The following PLD5 variants were observed in gnomAD, a reference collection of about 807,000 sequenced individuals.
The protein encoded by PLD5 is phospholipase D family member 5.
PLD5 carries 36 observed loss-of-function variants against 61.1 expected under a neutral mutation model. That is an observed-to-expected ratio of 0.59 (90% CI 0.45 to 0.78). PLD5 has a LOEUF of 0.78. PLD5 is among the 30% of genes least tolerant of loss of function. The pLI is 0.00. For missense variants in PLD5, 515 were observed against 644.4 expected (o/e 0.80, Z 2.17); for synonymous variants, 243 against 242.8 (o/e 1.00, Z -0.01).
Position 242,157,150 on chromosome 1 carries a change from A to G in PLD5, c.736-32485T>C, listed in dbSNP as rs886227168. On this transcript the variant is annotated intron_variant, in intron 5 of 9. Transcript: ENST00000536534. ...TTACTTCCAATTGATCAATTCGGCT[A>G]TTGATACTGTGTATGCTTCACAAAG... 2.6e-5 allele frequency among the ~76,000 whole-genome samples: 4 copies of G among 152,030 alleles called. No homozygotes were observed. In the East Asian group the frequency reaches 5.8e-4, roughly 22 times the overall value.
At chr1:242,355,487 A>G (rs1482248911) in intron 1 of PLD5, among the ~76,000 whole-genome samples, 1 of 151,378 alleles carries the variant, frequency 6.6e-6, no homozygotes, top group East Asian at 1.9e-4. Context: ...ATTTTATTTG[A>G]GTCTTTTCTT....
At chr1:242,459,300 A>G (rs574803281) in intron 1 of PLD5, among the ~76,000 whole-genome samples, 1 of 152,318 alleles carries the variant, frequency 6.6e-6, no homozygotes, top group East Asian at 1.9e-4. Flanking sequence ...AAGCTAAAAG[A>G]ACAGATTTTT....
chr1:242,093,988 TC>T (rs11331117), intron 9 of PLD5, among the ~76,000 whole-genome samples: 39,467 of 151,994 alleles, frequency 0.26, 5,404 homozygotes, highest in South Asian at 0.33. Flanking sequence ...TGGAAAGCTT[TC>T]CACAGGCCGA....
intron 4 of PLD5, among the ~76,000 whole-genome samples, chr1:242,241,892 TATATATATATATATATATAC>T (rs1672044889): frequency 2.8e-5 from 1 of 35,188 alleles, no homozygotes; most frequent in Non-Finnish European, 6.3e-5. Flanking sequence ...TATATATATA[TATATATATATATATATATAC>T]TTACTGTATA....
At chr1:242,376,790 C>T (rs987455591) in intron 1 of PLD5, 7 of 886,912 alleles carry the variant, frequency 7.9e-6, no homozygotes, top group East Asian at 5.5e-5. Context: ...AAGGAAGGTA[C>T]GTTGAAAGAG....
intron 1 of PLD5, among the ~76,000 whole-genome samples, chr1:242,520,278 TG>T (rs1459934762): frequency 6.6e-6 from 1 of 152,304 alleles, no homozygotes; most frequent in East Asian, 1.9e-4. Context: ...AAGATGAGGA[TG>T]GTCCCCAGCC....
Position 242,139,867 on chromosome 1 carries a change from G to A in PLD5, c.736-15202C>T, listed in dbSNP as rs549772317. On this transcript the variant is annotated intron_variant, in intron 5 of 9. Coordinates refer to ENST00000536534, the MANE Select transcript of PLD5 (RefSeq NM_001372062.1). ...ATGGAGCATCTGGCCTCTGCTTGCCGCTTGGCCAGGGATGCTACAGAGGCC... is the reference window on the plus strand; with the variant it reads ...ATGGAGCATCTGGCCTCTGCTTGCCACTTGGCCAGGGATGCTACAGAGGCC... Among the ~76,000 whole-genome samples the A allele has an allele frequency of 3.9e-5, 6 of 152,250 alleles. No homozygotes were observed. In the South Asian group the frequency reaches 6.2e-4, roughly 16 times the overall value.
At chr1:242,411,231 TTTTTG>T (rs3033873) in intron 1 of PLD5, among the ~76,000 whole-genome samples, 1 of 151,168 alleles carries the variant, frequency 6.6e-6, no homozygotes, top group Admixed American at 6.6e-5. Flanking sequence ...TGGTTTTGTT[TTTTTG>T]TTTTGTTTTG....
Position 242,089,190 on chromosome 1 carries a change from CA to C in PLD5, c.*663del, listed in dbSNP as rs1243177184. On this transcript the variant is annotated 3_prime_UTR_variant, in exon 10 of 10. Coordinates refer to ENST00000536534, the MANE Select transcript of PLD5 (RefSeq NM_001372062.1). ...CCATTCTGAAAAATTTGTATGTTTT[CA>C]AAAGATGTTATCATAGTTAGAAGTA... 30 of 396,346 alleles carry C rather than the reference CA, an allele frequency of 7.6e-5. No individual in the cohort carries two copies. The highest frequency in any genetic ancestry group is 1.2e-4 in the Non-Finnish European group (28 of 225,120). 24.6% of individuals were successfully genotyped at this position (396,346 alleles called of 1,614,324 possible).
At chr1:242,274,977 G>T (rs1674331791) in intron 3 of PLD5, among the ~76,000 whole-genome samples, 1 of 152,112 alleles carries the variant, frequency 6.6e-6, no homozygotes, top group Non-Finnish European at 1.5e-5. Flanking sequence ...CCTACACCTA[G>T]AAATCTATCC....
intron 5 of PLD5, among the ~76,000 whole-genome samples, chr1:242,156,749 G>A (rs1327068067): frequency 6.6e-6 from 1 of 152,112 alleles, no homozygotes; most frequent in Non-Finnish European, 1.5e-5. Flanking sequence ...TTCCCTTTGT[G>A]GGTAACCCAA....
At chr1:242,253,186 T>C (rs1574615353) in intron 4 of PLD5, among the ~76,000 whole-genome samples, 1 of 140,884 alleles carries the variant, frequency 7.1e-6, no homozygotes, top group East Asian at 2.2e-4. Context: ...TGGTGGATCA[T>C]AGCTCACCGA....
chr1:242,344,811 G>A (rs992163636), intron 2 of PLD5, among the ~76,000 whole-genome samples: 45 of 151,906 alleles, frequency 3.0e-4, no homozygotes, highest in Admixed American at 5.9e-4. Context: ...TTATTAGTCC[G>A]TTTTGACACT....
chr1:242,348,026 T>G, intron 2 of PLD5, 80 bp downstream of exon 2: 1 of 1,536,114 alleles, frequency 6.5e-7, no homozygotes, highest in Non-Finnish European at 8.8e-7. Flanking sequence ...TGTTTATGTA[T>G]TCTCTTCTCC....
chr1:242,342,728 C>T (rs996950121), intron 2 of PLD5, among the ~76,000 whole-genome samples: 31 of 139,618 alleles, frequency 2.2e-4, no homozygotes, highest in African/African-American at 8.0e-4. Context: ...GGTGGAAGTG[C>T]CCAGAAATCC....
chr1:242,413,860 G>A (rs1301696376), intron 1 of PLD5, among the ~76,000 whole-genome samples: 1 of 152,164 alleles, frequency 6.6e-6, no homozygotes, highest in African/African-American at 2.4e-5. Context: ...TAATTTATGA[G>A]GGACAAAGGG....
intron 2 of PLD5, among the ~76,000 whole-genome samples, chr1:242,325,341 T>A (rs1658679822): frequency 6.7e-6 from 1 of 148,618 alleles, no homozygotes. Context: ...GGTAAGGGTG[T>A]TAAGCCTGCA....
At chr1:242,507,309 T>C (rs977657898) in intron 1 of PLD5, among the ~76,000 whole-genome samples, 1 of 152,190 alleles carries the variant, frequency 6.6e-6, no homozygotes, top group Non-Finnish European at 1.5e-5. Flanking sequence ...TGGTACTTCA[T>C]AAACTTTTGA....
intron 1 of PLD5, among the ~76,000 whole-genome samples, chr1:242,516,758 G>T (rs961776749): frequency 6.6e-6 from 1 of 152,156 alleles, no homozygotes; most frequent in Non-Finnish European, 1.5e-5. Context: ...CTGGAAGCAG[G>T]CTTTGTTCTT....
Sources: allele counts gnomAD v4.1 joint callset (sites outside exome capture counted in the v4.1 genomes callset), GRCh38; gene constraint gnomAD v4.1.1; transcripts MANE v1.5; gene names NCBI Gene and HGNC (gene_info 2026-07-23, HGNC 2026-07-21).